Variants in ZNF536 observed in about 807,000 individuals in gnomAD.
ZNF536 encodes zinc finger protein 536.
In ZNF536, 13 loss-of-function variants were observed where a neutral mutation model predicts 84.5. The ratio of observed to expected loss-of-function variants is 0.15; its 90% confidence interval spans 0.10 to 0.24. The LOEUF (loss-of-function observed/expected upper bound fraction) is 0.24. ZNF536 is among the 10% of genes least tolerant of loss of function. The probability of loss-of-function intolerance (pLI) is 1.00; values close to 1 mark genes in which losing one functional copy is unlikely to be tolerated. For missense variants in ZNF536, 1,536 were observed against 1,747.5 expected, an observed-to-expected ratio of 0.88 and a Z score of 2.16; for synonymous variants, 811 against 742.5, an observed-to-expected ratio of 1.09 and a Z score of -1.50.
chr19:30,509,021 G>C (rs2055296180), intron 2 of ZNF536, among the ~76,000 whole-genome samples: 1 of 150,340 alleles, frequency 6.7e-6, no homozygotes, highest in African/African-American at 2.4e-5. Flanking sequence ...TTCTTGTTGA[G>C]ATGGGGTCTC....
intron 2 of ZNF536, among the ~76,000 whole-genome samples, chr19:30,524,876 G>A (rs2044511456): frequency 6.6e-6 from 1 of 151,938 alleles, no homozygotes. Context: ...TTTAAAGAAA[G>A]GAGTACTTAA....
At chr19:30,596,049 G>A (rs1181547857) in intron 1 of ZNF536, among the ~76,000 whole-genome samples, 1 of 152,190 alleles carries the variant, frequency 6.6e-6, no homozygotes, top group Non-Finnish European at 1.5e-5. Context: ...TGCTTTCTGT[G>A]ACCATGGGCT....
At chr19:30,375,295 C>T (rs893702189) in intron 1 of ZNF536, among the ~76,000 whole-genome samples, 1 of 150,946 alleles carries the variant, frequency 6.6e-6, no homozygotes, top group African/African-American at 2.4e-5. Context: ...CGCGAGCGGC[C>T]GCACTTCACC....
At chr19:30,442,189 G>C (rs1401037520) in intron 1 of ZNF536, among the ~76,000 whole-genome samples, 1 of 152,222 alleles carries the variant, frequency 6.6e-6, no homozygotes, top group East Asian at 1.9e-4. Flanking sequence ...AAGGATCCCA[G>C]GCAGGGGTTC....
At chr19:30,430,968 G>A (rs1489210429) in intron 1 of ZNF536, among the ~76,000 whole-genome samples, 16 of 152,202 alleles carry the variant, frequency 1.1e-4, no homozygotes, top group Admixed American at 9.2e-4. Context: ...GAGCCACCTC[G>A]CCTGCCCATT....
intron 1 of ZNF536, among the ~76,000 whole-genome samples, chr19:30,707,144 G>A (rs1034483143): frequency 6.6e-6 from 1 of 152,122 alleles, no homozygotes. Flanking sequence ...GCTCTGTGTT[G>A]TCTCTAAGAT....
intron 2 of ZNF536, among the ~76,000 whole-genome samples, chr19:30,321,611 T>G (rs552203692): frequency 6.6e-6 from 1 of 151,186 alleles, no homozygotes; most frequent in East Asian, 1.9e-4. Context: ...TACCACAAAT[T>G]TAGAAAACAG....
intron 1 of ZNF536, among the ~76,000 whole-genome samples, chr19:30,410,465 CTTTTTTTTTTTTTT>C (rs201561646): frequency 1.6e-5 from 2 of 122,632 alleles, no homozygotes; most frequent in East Asian, 2.9e-4. Context: ...AAGTGAAGGT[CTTTTTTTTTTTTTT>C]TTTTTTTTTT....
intron 1 of ZNF536, among the ~76,000 whole-genome samples, chr19:30,669,107 G>C (rs1022103894): frequency 1.3e-5 from 2 of 152,224 alleles, no homozygotes; most frequent in Non-Finnish European, 2.9e-5. Flanking sequence ...AGCCCAGCTA[G>C]ATCATTCCTG....
chr19:30,404,741 G>T (rs991748425), intron 1 of ZNF536, among the ~76,000 whole-genome samples: 3 of 151,992 alleles, frequency 2.0e-5, no homozygotes, highest in Non-Finnish European at 4.4e-5. Flanking sequence ...AGGCGGGGGG[G>T]CTCCTCAACA....
chr19:30,352,572 A>T (rs561401599), intron 3 of ZNF536: 1 of 151,992 alleles, frequency 6.6e-6, no homozygotes, highest in South Asian at 2.1e-4. Context: ...CACAAATCTA[A>T]ACCAAATAGC....
intron 2 of ZNF536, among the ~76,000 whole-genome samples, chr19:30,348,569 C>G (rs1043022656): frequency 6.6e-6 from 1 of 152,146 alleles, no homozygotes; most frequent in African/African-American, 2.4e-5. Flanking sequence ...CTCCTGAGTC[C>G]TGAGGACTGG....
intron 1 of ZNF536, among the ~76,000 whole-genome samples, chr19:30,638,410 C>A (rs532911918): frequency 1.3e-5 from 2 of 152,270 alleles, no homozygotes; most frequent in South Asian, 4.2e-4. Flanking sequence ...TCTGGGGAGG[C>A]CTCAGGAAAC....
chr19:30,339,328 C>T (rs935723283), intron 2 of ZNF536, among the ~76,000 whole-genome samples: 4 of 152,158 alleles, frequency 2.6e-5, no homozygotes, highest in East Asian at 1.9e-4. Flanking sequence ...TAAGTTGGGT[C>T]CTTGAAGCCC....
chr19:30,430,930 C>T (rs1415262554), intron 1 of ZNF536, among the ~76,000 whole-genome samples: 3 of 152,224 alleles, frequency 2.0e-5, no homozygotes, highest in Non-Finnish European at 4.4e-5. Flanking sequence ...CCTGCCTTGG[C>T]CTCCCAAAGA....
chr19:30,602,860 C>A (rs956720469), intron 1 of ZNF536, among the ~76,000 whole-genome samples: 3 of 152,276 alleles, frequency 2.0e-5, no homozygotes, highest in Admixed American at 1.3e-4. Context: ...TCTTGAGAGA[C>A]CTTAATCCTG....
intron 1 of ZNF536, among the ~76,000 whole-genome samples, chr19:30,392,516 G>A (rs1251682693): frequency 6.6e-6 from 1 of 152,158 alleles, no homozygotes; most frequent in Admixed American, 6.5e-5. Context: ...ACTCCGAGCT[G>A]CCAACTCCTG....
chr19:30,402,852 T>G (rs2147534941), intron 1 of ZNF536, among the ~76,000 whole-genome samples: 1 of 139,364 alleles, frequency 7.2e-6, no homozygotes, highest in East Asian at 2.0e-4. Context: ...TAAACTAAAC[T>G]GCTCTCCTGT....
intron 1 of ZNF536, among the ~76,000 whole-genome samples, chr19:30,273,539 T>G (rs997287211): frequency 1.3e-5 from 2 of 152,232 alleles, no homozygotes; most frequent in Non-Finnish European, 2.9e-5. Flanking sequence ...ATATCTTCTT[T>G]GGGGACGTAC....
Sources: allele counts gnomAD v4.1 joint callset (sites outside exome capture counted in the v4.1 genomes callset), GRCh38; gene constraint gnomAD v4.1.1; transcripts MANE v1.5; gene names NCBI Gene and HGNC (gene_info 2026-07-23, HGNC 2026-07-21).